The following CAMTA1 variants were observed in gnomAD, a reference collection of about 807,000 sequenced individuals.
CAMTA1 encodes the protein calmodulin binding transcription activator 1.
A neutral mutation model predicts 170.9 loss-of-function variants in CAMTA1; 27 were observed. That is an observed-to-expected ratio of 0.16 (90% CI 0.12 to 0.22). The LOEUF (loss-of-function observed/expected upper bound fraction) is 0.22, where lower values mean the gene tolerates loss of function less well. Among genes scored for constraint, CAMTA1 ranks in the 10% least tolerant of loss-of-function variants. The pLI is 1.00. For missense variants in CAMTA1, 1,619 were observed against 2,217.2 expected (o/e 0.73, Z 5.42); for synonymous variants, 833 against 891.5 (o/e 0.93, Z 1.17).
At chr1:6,916,029 C>T (rs1465256303) in intron 3 of CAMTA1, among the ~76,000 whole-genome samples, 1 of 152,178 alleles carries the variant, frequency 6.6e-6, no homozygotes, top group Admixed American at 6.5e-5. Context: ...GTCTCCTGGG[C>T]ATGCCTGTGA....
At chr1:7,447,580 C>T (rs2092711869) in intron 5 of CAMTA1, among the ~76,000 whole-genome samples, 1 of 152,194 alleles carries the variant, frequency 6.6e-6, no homozygotes, top group South Asian at 2.1e-4. Flanking sequence ...ACCTGGCACT[C>T]GCTAGGCATA....
At chr1:7,366,898 A>G (rs559249288) in intron 5 of CAMTA1, among the ~76,000 whole-genome samples, 1 of 152,256 alleles carries the variant, frequency 6.6e-6, no homozygotes, top group Admixed American at 6.5e-5. Context: ...CCAGAAGTTA[A>G]TTTTGGATGG....
At chr1:7,714,708 G>A (rs2096596237) in intron 11 of CAMTA1, among the ~76,000 whole-genome samples, 1 of 152,240 alleles carries the variant, frequency 6.6e-6, no homozygotes, top group East Asian at 1.9e-4. Context: ...TTTTAGCAGA[G>A]ACGGAGTTTC....
chr1:6,931,488 T>A lies in CAMTA1; in HGVS notation c.234+106278T>A, dbSNP rs1297527959. ...GGGCTTAGGAAGCGCCAGGCATTTT[T>A]TTAAAGAATCACGCAGATGATAATT... On this transcript the variant is annotated intron_variant, in intron 3 of 22. Coordinates refer to ENST00000303635, the MANE Select transcript of CAMTA1 (RefSeq NM_015215.4). Among the ~76,000 whole-genome samples the A allele has an allele frequency of 3.3e-5, 5 of 152,288 alleles. No individual in the cohort carries two copies. In the South Asian group the frequency reaches 8.3e-4, roughly 25 times the overall value.
intron 4 of CAMTA1, among the ~76,000 whole-genome samples, chr1:7,204,577 A>G (rs1424900315): frequency 1.3e-5 from 2 of 151,994 alleles, no homozygotes; most frequent in African/African-American, 4.8e-5. Context: ...GGCCTTGCAG[A>G]TGGTCTATCC....
At chr1:7,735,841 A>G (rs923654245) in intron 12 of CAMTA1, among the ~76,000 whole-genome samples, 3 of 152,058 alleles carry the variant, frequency 2.0e-5, no homozygotes, top group Admixed American at 6.6e-5. Flanking sequence ...GCGCGATCAC[A>G]GCTCACTGTA....
intron 5 of CAMTA1, among the ~76,000 whole-genome samples, chr1:7,349,759 A>G (rs2084513570): frequency 6.6e-6 from 1 of 152,210 alleles, no homozygotes; most frequent in Admixed American, 6.5e-5. Context: ...TCGCTTTCCA[A>G]AAAGGTCACA....
At position 6,970,487 on chromosome 1, in the gene CAMTA1, A is replaced by G. The variant is rs1692330270; in HGVS notation, c.235-120817A>G. Among the ~76,000 whole-genome samples the G allele has an allele frequency of 6.6e-6, 1 of 152,098 alleles. No homozygotes were observed. On this transcript the variant is annotated intron_variant, in intron 3 of 22. Transcript: ENST00000303635. This position sits in a 1 kb window ranked among gnomAD's most constrained non-coding sequence, Gnocchi z 4.4. ...TGAGGAGGTAATGGGGGTTCTTGCC[A>G]GGCCAGGGACTCTCGGCTTGGAGGG...
chr1:7,664,522 A>G lies in CAMTA1; in HGVS notation c.1975A>G (p.Ser659Gly), dbSNP rs1348601923. 6.2e-7 allele frequency: 1 copy of G among 1,613,168 alleles called. No homozygotes were observed. The highest frequency in any genetic ancestry group is 1.3e-5 in the African/African-American group (1 of 74,952). The part of the protein sequence containing the change: ...TEASSQTSSC[S>G]GHVETRIEST... ...GGCCTCGTCCCAAACCAGCTCCTGC[A>G]GCGGTCACGTGGAGACGCGGATCGA... Residue 659 changes from serine (S) to glycine (G), a missense_variant, in exon 9 of 23, where the codon AGC becomes GGC. Physicochemically the swap from Ser to Gly is moderately conservative, Grantham distance 56. This residue lies in a region of CAMTA1 where 731 missense variants were observed against 907.6 expected (regional missense o/e 0.81). Transcript: ENST00000303635.
intron 6 of CAMTA1, among the ~76,000 whole-genome samples, chr1:7,564,185 C>A (rs1406381502): frequency 1.3e-5 from 2 of 152,232 alleles, no homozygotes; most frequent in Non-Finnish European, 2.9e-5. Context: ...GTGGTCCTCC[C>A]AGACCCTCTA....
chr1:7,746,010 T>C lies in CAMTA1; in HGVS notation c.4536T>C (p.Ala1512=), dbSNP rs2096854561. ...GTGAGAAGGTAGAGAATGAGTTTGCTCAGCTCACTCTGTCTGATCATGAAC... is the reference window on the plus strand; with the variant it reads ...GTGAGAAGGTAGAGAATGAGTTTGCCCAGCTCACTCTGTCTGATCATGAAC... ...STSEKVENEF[A]QLTLSDHEQR... is the part of the protein sequence containing the mutation. The change falls in exon 18 of 23, where the codon GCT becomes GCC. Residue 1512 remains alanine (A), a synonymous_variant. Coordinates refer to ENST00000303635, the MANE Select transcript of CAMTA1 (RefSeq NM_015215.4). 1 of 1,614,220 alleles carries C rather than the reference T, an allele frequency of 6.2e-7. No homozygotes were observed. The highest frequency in any genetic ancestry group is 8.5e-7 in the Non-Finnish European group (1 of 1,180,038).
At chr1:7,294,368 G>T (rs925105977) in intron 5 of CAMTA1, among the ~76,000 whole-genome samples, 11 of 152,212 alleles carry the variant, frequency 7.2e-5, no homozygotes, top group African/African-American at 2.7e-4. Flanking sequence ...TGAAACCACG[G>T]AGAGGCACAG....
chr1:7,549,756 G>A (rs2094773150), intron 6 of CAMTA1, among the ~76,000 whole-genome samples: 1 of 151,552 alleles, frequency 6.6e-6, no homozygotes. Context: ...AAGCATGTCA[G>A]AAAGTGATAT....
rs554698499 is a variant in CAMTA1 at position 7,436,969 on chromosome 1, G to A, written c.439-30861G>A. On this transcript the variant is annotated intron_variant, in intron 5 of 22. Transcript: ENST00000303635. Reference sequence around the variant, plus strand: ...AGCCTGCACGTTGGGGGGAATGGCAGGGCACAGCGGCATTGCAGGAGGATC... The same window carrying A: ...AGCCTGCACGTTGGGGGGAATGGCAAGGCACAGCGGCATTGCAGGAGGATC... Among the ~76,000 whole-genome samples the A allele has an allele frequency of 2.0e-5, 3 of 152,250 alleles. No homozygotes were observed. The South Asian group carries it at 6.2e-4, about 32-fold the overall frequency.
At chr1:7,493,705 C>T (rs1202048564) in intron 6 of CAMTA1, among the ~76,000 whole-genome samples, 1 of 151,766 alleles carries the variant, frequency 6.6e-6, no homozygotes, top group Admixed American at 6.6e-5. Flanking sequence ...ACTCTGTAAA[C>T]TCAGGGCACC....
intron 6 of CAMTA1, among the ~76,000 whole-genome samples, chr1:7,544,165 G>A (rs562488018): frequency 6.6e-6 from 1 of 152,292 alleles, no homozygotes; most frequent in East Asian, 1.9e-4. Flanking sequence ...GGAGGCCTCA[G>A]AATCATGGTG....
At position 7,195,779 on chromosome 1, in the gene CAMTA1, G is replaced by A. The variant is rs1655412046; in HGVS notation, c.303-53712G>A. 6.6e-6 allele frequency among the ~76,000 whole-genome samples: 1 copy of A among 152,212 alleles called. No individual in the cohort carries two copies. Among genetic ancestry groups the A allele is most frequent in the Non-Finnish European group, 1.5e-5 (1 of 68,034 alleles). ...CATGCCTGTAATCCCAGCACTTTGG[G>A]AAGCCAAGGCAGGCAGATCACCTGA... On this transcript the variant is annotated intron_variant, in intron 4 of 22. Transcript: ENST00000303635. The surrounding 1 kb of genome is among the most constrained non-coding windows in gnomAD (Gnocchi z 4.1).
At chr1:7,058,270 G>T (rs980648697) in intron 3 of CAMTA1, among the ~76,000 whole-genome samples, 4 of 152,208 alleles carry the variant, frequency 2.6e-5, no homozygotes, top group Non-Finnish European at 5.9e-5. Flanking sequence ...TTGCCGTGCA[G>T]ATTTGTTTTA....
At chr1:6,992,228 C>T (rs1211486462) in intron 3 of CAMTA1, among the ~76,000 whole-genome samples, 4 of 151,944 alleles carry the variant, frequency 2.6e-5, no homozygotes, top group African/African-American at 7.3e-5. Context: ...CACCACCAGG[C>T]CGGCTAATTT....
Sources: allele counts gnomAD v4.1 joint callset (sites outside exome capture counted in the v4.1 genomes callset), GRCh38; gene constraint gnomAD v4.1.1; regional missense constraint gnomAD v4.1.1; non-coding constraint Gnocchi (gnomAD v3.1); transcripts MANE v1.5; gene names NCBI Gene and HGNC (gene_info 2026-07-23, HGNC 2026-07-21).